Variants in EVA1C observed in about 807,000 individuals in gnomAD.
EVA1C encodes eva-1 homolog C.
In EVA1C, 25 loss-of-function variants were observed where a neutral mutation model predicts 45.4. The observed-to-expected ratio is 0.55, with a 90% CI of 0.40 to 0.77. The LOEUF (loss-of-function observed/expected upper bound fraction) is 0.77, where lower values mean the gene tolerates loss of function less well. Among genes scored for constraint, EVA1C ranks in the 30% least tolerant of loss-of-function variants. The pLI is 0.00. For synonymous variants in EVA1C, 190 were observed against 221.2 expected, an observed-to-expected ratio of 0.86 and a Z score of 1.25; for missense variants, 479 against 554.8, an observed-to-expected ratio of 0.86 and a Z score of 1.37.
intron 1 of EVA1C, among the ~76,000 whole-genome samples, chr21:32,432,208 G>A (rs2034732326): frequency 6.6e-6 from 1 of 151,930 alleles, no homozygotes; most frequent in African/African-American, 2.4e-5. Flanking sequence ...ACATCAGGAG[G>A]GACATGCTGA....
intron 5 of EVA1C, among the ~76,000 whole-genome samples, chr21:32,498,134 G>A (rs1601424190): frequency 6.6e-6 from 1 of 152,198 alleles, no homozygotes; most frequent in Non-Finnish European, 1.5e-5. Context: ...TGTGCTGGGT[G>A]CCAGGGATTT....
intron 5 of EVA1C, 56 bp from the exon 6 acceptor site, chr21:32,501,359 A>C: frequency 7.0e-7 from 1 of 1,427,974 alleles, no homozygotes; most frequent in South Asian, 1.2e-5. Flanking sequence ...ATGTATTAAG[A>C]GTCCACATTT....
chr21:32,497,543 T>G (rs1016487633), intron 5 of EVA1C, among the ~76,000 whole-genome samples: 1 of 152,232 alleles, frequency 6.6e-6, no homozygotes, highest in Non-Finnish European at 1.5e-5. Context: ...ATTTTTTTAT[T>G]CTGTACAATA....
At chr21:32,434,625 TAAA>T (rs1265132084) in intron 1 of EVA1C, among the ~76,000 whole-genome samples, 2 of 149,968 alleles carry the variant, frequency 1.3e-5, no homozygotes, top group East Asian at 3.9e-4. Context: ...AATAAATAAA[TAAA>T]TAAAATTTTA....
rs568129096 is a variant in EVA1C, at chr21:32,440,970, C to T, written c.161-12342C>T. On this transcript the variant is annotated intron_variant, in intron 1 of 7. Coordinates refer to ENST00000300255, the MANE Select transcript of EVA1C (RefSeq NM_058187.5). ...ACAAAAAATTAGCCAGGTGTGATGG[C>T]ACATGCCTGTAATCCCAGCTACTCA... 3.9e-5 allele frequency among the ~76,000 whole-genome samples: 6 copies of T among 152,246 alleles called. No individual in the cohort carries two copies. In the South Asian group the frequency reaches 1.2e-3, roughly 32 times the overall value.
At chr21:32,456,128 G>A (rs932488317) in intron 2 of EVA1C, among the ~76,000 whole-genome samples, 1 of 152,168 alleles carries the variant, frequency 6.6e-6, no homozygotes, top group Admixed American at 6.5e-5. Flanking sequence ...CTGACCTCAG[G>A]TGATCTGCCC....
chr21:32,432,352 T>C (rs1435811157), intron 1 of EVA1C, among the ~76,000 whole-genome samples: 3 of 152,200 alleles, frequency 2.0e-5, no homozygotes, highest in African/African-American at 7.2e-5. Context: ...TAGCCATTTA[T>C]CTAACAAGGC....
Position 32,495,160 on chromosome 21 carries a change from C to T in EVA1C, c.768C>T (p.Thr256=). ...LPGVKKYLTV[T]YACVPKNILT... ...GCGTGAAAAAATACCTCACTGTGAC[C>T]TACGCATGTGGTAAGAACACACCCC... The change falls in exon 5 of 8, where the codon ACC becomes ACT. Residue 256 remains threonine (T), a synonymous_variant. Transcript: ENST00000300255. 1 of 1,614,022 alleles carries T rather than the reference C, an allele frequency of 6.2e-7. No individual in the cohort carries two copies. Among genetic ancestry groups the T allele is most frequent in the South Asian group, 1.1e-5 (1 of 91,064 alleles).
chr21:32,465,648 A>G (rs1202683448), intron 3 of EVA1C, among the ~76,000 whole-genome samples: 2 of 151,912 alleles, frequency 1.3e-5, no homozygotes. Context: ...CAGGCACCCA[A>G]CACCACGCCT....
At chr21:32,514,717 G>A (rs1369942399) in intron 7 of EVA1C, 97 bp from the exon 8 acceptor site, 4 of 1,346,612 alleles carry the variant, frequency 3.0e-6, no homozygotes, top group East Asian at 4.7e-5. Context: ...TTCTTCATTA[G>A]CCCCCTGCTT....
rs2276222 is a variant in EVA1C at position 32,495,218 on chromosome 21, G to C, written c.778+48G>C. On this transcript the variant is annotated intron_variant, in intron 5 of 7. Transcript: ENST00000300255. ...CTGCCTGATGACACTGCCTCTTTTG[G>C]GGGAGGGTGGTGACCATGTGAACGG... The C allele has an allele frequency of 5.2e-3, 8,309 of 1,598,336 alleles. 201 individuals are homozygous for C. Among genetic ancestry groups the C allele is most frequent in the Admixed American group, 0.048 (2,835 of 59,380 alleles).
chr21:32,468,962 C>T (rs1177855983), intron 4 of EVA1C, among the ~76,000 whole-genome samples: 2 of 152,178 alleles, frequency 1.3e-5, no homozygotes, highest in Non-Finnish European at 2.9e-5. Flanking sequence ...GCTATGCCAG[C>T]GGGCAGTGCC....
At chr21:32,513,067 G>A (rs1485751179) in intron 7 of EVA1C, among the ~76,000 whole-genome samples, 1 of 148,884 alleles carries the variant, frequency 6.7e-6, no homozygotes, top group African/African-American at 2.5e-5. Context: ...CAATAATATA[G>A]TTGTTATTAT....
chr21:32,438,744 G>C (rs1040498234), intron 1 of EVA1C, among the ~76,000 whole-genome samples: 1 of 152,140 alleles, frequency 6.6e-6, no homozygotes, highest in South Asian at 2.1e-4. Flanking sequence ...ATTGATTGTA[G>C]ATGCACCAAT....
intron 1 of EVA1C, among the ~76,000 whole-genome samples, chr21:32,430,697 G>A (rs1443394990): frequency 6.6e-6 from 1 of 152,050 alleles, no homozygotes. Flanking sequence ...ATCAGGCAGG[G>A]CACAGTGGCT....
At chr21:32,447,154 C>G (rs1471090676) in intron 1 of EVA1C, among the ~76,000 whole-genome samples, 2 of 152,172 alleles carry the variant, frequency 1.3e-5, no homozygotes, top group African/African-American at 4.8e-5. Flanking sequence ...AATCCCAGCA[C>G]TTTGGGAGGC....
intron 7 of EVA1C, among the ~76,000 whole-genome samples, chr21:32,511,055 C>CTCTCTCTCTATCTA (rs1555876773): frequency 6.6e-6 from 1 of 150,956 alleles, no homozygotes; most frequent in African/African-American, 2.4e-5. Context: ...CTCTCTCTCT[C>CTCTCTCTCTATCTA]TCTATCTATA....
intron 4 of EVA1C, among the ~76,000 whole-genome samples, chr21:32,486,337 C>T (rs946921228): frequency 6.6e-6 from 1 of 152,166 alleles, no homozygotes; most frequent in Non-Finnish European, 1.5e-5. Context: ...GTTGGCCAGG[C>T]TGGTCTTGAA....
chr21:32,476,593 A>G (rs1399232400), intron 4 of EVA1C, among the ~76,000 whole-genome samples: 1 of 152,120 alleles, frequency 6.6e-6, no homozygotes, highest in Non-Finnish European at 1.5e-5. Flanking sequence ...GTGAGCCGAG[A>G]TCGCGCCATT....
Sources: allele counts gnomAD v4.1 joint callset (sites outside exome capture counted in the v4.1 genomes callset), GRCh38; gene constraint gnomAD v4.1.1; transcripts MANE v1.5; gene names NCBI Gene and HGNC (gene_info 2026-07-23, HGNC 2026-07-21).